The following PARN variants were observed in gnomAD, a reference collection of about 807,000 sequenced individuals.
The protein encoded by PARN is poly(A)-specific ribonuclease, also known as poly(A)-specific ribonuclease PARN.
In PARN, 71 loss-of-function variants were observed where a neutral mutation model predicts 102.8. The ratio of observed to expected loss-of-function variants is 0.69; its 90% CI spans 0.57 to 0.84. The LOEUF (loss-of-function observed/expected upper bound fraction) is 0.84. PARN is among the 40% of genes least tolerant of loss of function. PARN has a pLI of 0.00. For missense variants in PARN, 782 were observed against 760.9 expected, an observed-to-expected ratio of 1.03 and a Z score of -0.33; for synonymous variants, 261 against 252.9, an observed-to-expected ratio of 1.03 and a Z score of -0.30.
intron 21 of PARN, among the ~76,000 whole-genome samples, chr16:14,538,219 CTTTTTTTT>C (rs34012270): frequency 7.6e-6 from 1 of 131,844 alleles, no homozygotes; most frequent in Non-Finnish European, 1.6e-5. Flanking sequence ...ATATTTTTCA[CTTTTTTTT>C]TTTTTTTTTT....
chr16:14,564,266 A>G (rs967160717), intron 18 of PARN, among the ~76,000 whole-genome samples: 3 of 152,252 alleles, frequency 2.0e-5, no homozygotes, highest in African/African-American at 7.2e-5. Context: ...CTCAGGATAC[A>G]ACATCCCAGA....
chr16:14,469,879 C>G (rs1017218414), intron 22 of PARN, among the ~76,000 whole-genome samples: 1 of 152,154 alleles, frequency 6.6e-6, no homozygotes, highest in African/African-American at 2.4e-5. Flanking sequence ...ATCTGTTTTG[C>G]ATTTAGGTAA....
chr16:14,580,582 C>T (rs868343993), intron 18 of PARN, among the ~76,000 whole-genome samples: 7 of 152,098 alleles, frequency 4.6e-5, no homozygotes, highest in East Asian at 1.9e-4. Flanking sequence ...CCACCACACC[C>T]GGCCCCTCAT....
At chr16:14,513,284 G>A (rs1327301413) in intron 21 of PARN, among the ~76,000 whole-genome samples, 3 of 152,084 alleles carry the variant, frequency 2.0e-5, no homozygotes, top group East Asian at 3.8e-4. Flanking sequence ...AATCATTAAC[G>A]TAATATAAAC....
chr16:14,544,834 G>A (rs2151694131), intron 21 of PARN, among the ~76,000 whole-genome samples: 1 of 152,206 alleles, frequency 6.6e-6, no homozygotes, highest in South Asian at 2.1e-4. Context: ...TACAATCACA[G>A]GCGATTTTAA....
intron 21 of PARN, among the ~76,000 whole-genome samples, chr16:14,493,640 C>A: frequency 6.6e-6 from 1 of 152,150 alleles, no homozygotes; most frequent in South Asian, 2.1e-4. Flanking sequence ...GGTAGAGCAA[C>A]ACCAAGTAGG....
rs868095936 is a variant in PARN at position 14,597,434 on chromosome 16, C to T, written c.840+2470G>A. 1.3e-4 allele frequency among the ~76,000 whole-genome samples: 20 copies of T among 152,310 alleles called. 1 individual carries two copies. Among genetic ancestry groups the T allele is most frequent in the Middle Eastern group, 6.8e-3 (2 of 294 alleles). ...ATCACGGGCAGAGAATGGTGGCTCA[C>T]GCCTGTAATCCCAGCATTTTGGGAG... On this transcript the variant is annotated intron_variant, in intron 12 of 23. Transcript: ENST00000437198.
chr16:14,454,697 G>A lies in PARN; in HGVS notation c.1671-7616C>T, dbSNP rs1305005033. 2.0e-5 allele frequency among the ~76,000 whole-genome samples: 3 copies of A among 152,186 alleles called. No individual in the cohort carries two copies. The East Asian group carries it at 5.8e-4, about 29-fold the overall frequency. ...CGCCTACTGGATTACCAGCACCTGTGTCAGGAATTTTTGTTTTTTCCAAAT... is the reference window on the plus strand; with the variant it reads ...CGCCTACTGGATTACCAGCACCTGTATCAGGAATTTTTGTTTTTTCCAAAT... On this transcript the variant is annotated intron_variant, in intron 22 of 23. Coordinates refer to ENST00000437198, the MANE Select transcript of PARN (RefSeq NM_002582.4).
chr16:14,477,428 A>G (rs1372781002), intron 22 of PARN, among the ~76,000 whole-genome samples: 1 of 147,936 alleles, frequency 6.8e-6, no homozygotes, highest in Non-Finnish European at 1.5e-5. Context: ...CAACAGAGCG[A>G]GAGTTCGTCT....
intron 21 of PARN, among the ~76,000 whole-genome samples, chr16:14,543,537 T>C (rs1966854089): frequency 1.3e-5 from 2 of 152,226 alleles, no homozygotes; most frequent in Non-Finnish European, 2.9e-5. Context: ...CCTAAAAGAC[T>C]ACAAGGAATG....
intron 23 of PARN, among the ~76,000 whole-genome samples, chr16:14,441,760 G>A (rs190230943): frequency 9.5e-4 from 145 of 152,332 alleles, no homozygotes; most frequent in Admixed American, 4.9e-3. Context: ...AAGGCTCCTT[G>A]GGAGGCCGCT....
chr16:14,504,393 A>G (rs1964777926), intron 21 of PARN, among the ~76,000 whole-genome samples: 1 of 152,038 alleles, frequency 6.6e-6, no homozygotes, highest in Non-Finnish European at 1.5e-5. Flanking sequence ...CCCTGTCTCT[A>G]ATAAAAATAC....
intron 22 of PARN, among the ~76,000 whole-genome samples, chr16:14,457,978 A>C (rs113407009): frequency 0.067 from 10,196 of 151,586 alleles, 489 homozygotes; most frequent in Admixed American, 0.13. Context: ...ACATGAATGC[A>C]TTGTGTATCT....
intron 18 of PARN, among the ~76,000 whole-genome samples, chr16:14,579,565 G>A (rs144676731): frequency 6.6e-6 from 1 of 151,872 alleles, no homozygotes; most frequent in South Asian, 2.1e-4. Context: ...GCAAGACCGT[G>A]ACTCAAAAAA....
intron 10 of PARN, 23 bp from the exon 11 acceptor site, chr16:14,604,249 A>G: frequency 7.0e-7 from 1 of 1,436,332 alleles, no homozygotes; most frequent in Non-Finnish European, 9.6e-7. Flanking sequence ...AAGCAGATAT[A>G]CAATTTTCTT....
intron 5 of PARN, among the ~76,000 whole-genome samples, chr16:14,622,090 G>A (rs1972342032): frequency 6.6e-6 from 1 of 152,042 alleles, no homozygotes; most frequent in Admixed American, 6.6e-5. Context: ...CTACTTGGGA[G>A]GCTGAGGCAG....
At chr16:14,457,945 TGTGA>T (rs982222840) in intron 22 of PARN, among the ~76,000 whole-genome samples, 2 of 151,146 alleles carry the variant, frequency 1.3e-5, no homozygotes, top group African/African-American at 4.9e-5. Context: ...TGTGTGTGTG[TGTGA>T]GAGAGAGAGA....
At chr16:14,586,228 C>CA in intron 14 of PARN, 90 bp downstream of exon 14, 2 of 743,790 alleles carry the variant, frequency 2.7e-6, no homozygotes, top group Non-Finnish European at 4.8e-6. Flanking sequence ...CCTCCCACCT[C>CA]AGTCTCCCAA....
At chr16:14,469,276 G>A (rs866778556) in intron 22 of PARN, among the ~76,000 whole-genome samples, 3 of 152,108 alleles carry the variant, frequency 2.0e-5, no homozygotes, top group Non-Finnish European at 2.9e-5. Context: ...AGGTTGCAGC[G>A]AGCCAAGATC....
Sources: allele counts gnomAD v4.1 joint callset (sites outside exome capture counted in the v4.1 genomes callset), GRCh38; gene constraint gnomAD v4.1.1; transcripts MANE v1.5; gene names NCBI Gene and HGNC (gene_info 2026-07-23, HGNC 2026-07-21).